The following IFT56 variants were observed in gnomAD, a reference collection of about 807,000 sequenced individuals.
IFT56 encodes the protein intraflagellar transport protein 56.
chr7:139,134,771 T>C, the IFT56 span: 2 of 1,613,960 alleles, frequency 1.2e-6, no homozygotes, highest in Non-Finnish European at 1.7e-6. Flanking sequence ...GAGATTTCAC[T>C]GGAGCTATTA....
chr7:139,165,333 T>C, the IFT56 span: 20 of 761,062 alleles, frequency 2.6e-5, no homozygotes, highest in Admixed American at 2.6e-4. Context: ...AATCCATACT[T>C]CCAAAAATAT....
chr7:139,157,668 T>A, the IFT56 span, among the ~76,000 whole-genome samples: 1 of 152,002 alleles, frequency 6.6e-6, no homozygotes, highest in Admixed American at 6.5e-5. Flanking sequence ...TGTGTCCAAC[T>A]AATTTTTTAA....
chr7:139,179,503 C>G, the IFT56 span: 1 of 1,293,702 alleles, frequency 7.7e-7, no homozygotes, highest in Non-Finnish European at 1.1e-6. Flanking sequence ...CAATCTAAGG[C>G]AAGCCAATAA....
chr7:139,189,177 T>C, the IFT56 span: 4 of 574,028 alleles, frequency 7.0e-6, no homozygotes, highest in Admixed American at 3.0e-5. Flanking sequence ...CAGTTTGTAA[T>C]TGCTTTGTGA....
At chr7:139,161,316 A>G in the IFT56 span, 5 of 311,340 alleles carry the variant, frequency 1.6e-5, no homozygotes, top group Non-Finnish European at 2.9e-5. Context: ...GTGGTTTAAA[A>G]TAAATGGGAA....
At chr7:139,134,917 C>T in the IFT56 span, 1 of 920,586 alleles carries the variant, frequency 1.1e-6, no homozygotes, top group Non-Finnish European at 1.6e-6. Flanking sequence ...TGTACAAATC[C>T]CCTGTAAATC....
the IFT56 span, among the ~76,000 whole-genome samples, chr7:139,161,897 T>G: frequency 6.6e-6 from 1 of 152,226 alleles, no homozygotes; most frequent in Non-Finnish European, 1.5e-5. Context: ...GTTTCTAAAT[T>G]GAAACCCGAT....
At chr7:139,178,632 T>C in the IFT56 span, 3 of 1,568,428 alleles carry the variant, frequency 1.9e-6, no homozygotes, top group Non-Finnish European at 2.6e-6. Flanking sequence ...TTTGAATGAT[T>C]CTATCTAAAA....
chr7:139,189,502 T>A, the IFT56 span: 1 of 1,058,186 alleles, frequency 9.5e-7, no homozygotes, highest in Non-Finnish European at 1.5e-6. Context: ...CACTCCAGTT[T>A]AATCTGTGAT....
At chr7:139,170,010 A>G in the IFT56 span, among the ~76,000 whole-genome samples, 1 of 152,194 alleles carries the variant, frequency 6.6e-6, no homozygotes, top group Admixed American at 6.5e-5. Context: ...TGAGACCGTC[A>G]TCTCAAATAT....
At chr7:139,179,510 A>T in the IFT56 span, 1 of 1,371,398 alleles carries the variant, frequency 7.3e-7, no homozygotes, top group Non-Finnish European at 1.0e-6. Context: ...AGGCAAGCCA[A>T]TAATGGGTAT....
chr7:139,150,736 A>G, the IFT56 span, among the ~76,000 whole-genome samples: 1 of 152,218 alleles, frequency 6.6e-6, no homozygotes, highest in African/African-American at 2.4e-5. Context: ...TCTCACAAAC[A>G]CCAATAGCAT....
the IFT56 span, among the ~76,000 whole-genome samples, chr7:139,186,131 T>G: frequency 4.0e-5 from 6 of 150,684 alleles, no homozygotes; most frequent in African/African-American, 1.5e-4. Context: ...GATTGCCAAG[T>G]AAGAAAACTC....
the IFT56 span, chr7:139,172,875 A>T: frequency 1.4e-6 from 1 of 692,982 alleles, no homozygotes; most frequent in Non-Finnish European, 2.8e-6. Context: ...TCAGAGGAAT[A>T]GGTGAAGACA....
the IFT56 span, among the ~76,000 whole-genome samples, chr7:139,181,988 A>C: frequency 3.9e-5 from 6 of 152,262 alleles, no homozygotes; most frequent in Middle Eastern, 3.4e-3. Context: ...CCAAACTTTG[A>C]GGTGCAAATG....
the IFT56 span, among the ~76,000 whole-genome samples, chr7:139,145,696 G>A: frequency 5.9e-5 from 9 of 151,716 alleles, no homozygotes; most frequent in South Asian, 6.2e-4. Context: ...GATTATAGGC[G>A]TGAGCCACTG....
At chr7:139,134,420 G>A in the IFT56 span, among the ~76,000 whole-genome samples, 1 of 152,000 alleles carries the variant, frequency 6.6e-6, no homozygotes, top group Admixed American at 6.6e-5. Context: ...ACAGGCGCAT[G>A]CCACCACGCC....
At chr7:139,137,923 A>T in the IFT56 span, 4 of 1,612,738 alleles carry the variant, frequency 2.5e-6, no homozygotes, top group East Asian at 8.9e-5. Context: ...CTGGGTGACT[A>T]CAAGAGAGCT....
chr7:139,184,878 C>G, the IFT56 span, among the ~76,000 whole-genome samples: 3 of 150,402 alleles, frequency 2.0e-5, no homozygotes, highest in Non-Finnish European at 2.9e-5. Context: ...CACAGTGAAA[C>G]CCCGTCTCTA....
Sources: allele counts gnomAD v4.1 joint callset (sites outside exome capture counted in the v4.1 genomes callset), GRCh38; gene constraint gnomAD v4.1.1; transcripts MANE v1.5; gene names NCBI Gene and HGNC (gene_info 2026-07-23, HGNC 2026-07-21).